OTOGL: variants seen among roughly 807,000 people sequenced by gnomAD.
The protein encoded by OTOGL is otogelin like.
OTOGL carries 285 observed loss-of-function variants against 318.5 expected under a neutral mutation model. The observed-to-expected ratio is 0.89, with a 90% CI of 0.81 to 0.99. The LOEUF (loss-of-function observed/expected upper bound fraction) is 0.99, where lower values mean the gene tolerates loss of function less well. OTOGL is among the 50% of genes least tolerant of loss of function. The pLI, the probability that OTOGL is intolerant of heterozygous loss-of-function variation, is 0.00. For missense variants in OTOGL, 2,899 were observed against 2,845.6 expected, an observed-to-expected ratio of 1.02 and a Z score of -0.43; for synonymous variants, 987 against 936.5, an observed-to-expected ratio of 1.05 and a Z score of -0.99.
At chr12:80,337,090 G>A (rs985053606) in intron 42 of OTOGL, 86 bp downstream of exon 42, 5 of 981,996 alleles carry the variant, frequency 5.1e-6, no homozygotes, top group East Asian at 2.6e-5. Flanking sequence ...GGAAAATTAA[G>A]CATATCAATG....
Position 80,236,827 on chromosome 12 carries a change from TTG to T in OTOGL, c.818-2022_818-2021del, listed in dbSNP as rs1429436161. Among the ~76,000 whole-genome samples the T allele has an allele frequency of 2.0e-4, 29 of 148,154 alleles. 3 individuals are homozygous for T. The highest frequency in any genetic ancestry group is 2.2e-4 in the Non-Finnish European group (15 of 66,686). The stretch of plus-strand genomic sequence containing the variant: ...TTTCTTTTTCTTTTCTTTTTTTTTT[TTG>T]TTTGAGACAGGGTCTTTCTCTGTCG... On this transcript the variant is annotated intron_variant, in intron 9 of 58. Coordinates refer to ENST00000547103, the MANE Select transcript of OTOGL (RefSeq NM_001378609.3).
At chr12:80,249,343 G>T (rs923002752) in intron 11 of OTOGL, among the ~76,000 whole-genome samples, 1 of 151,508 alleles carries the variant, frequency 6.6e-6, no homozygotes, top group South Asian at 2.1e-4. Flanking sequence ...ATGGGTTTTC[G>T]GTGTGGATGT....
chr12:80,237,510 T>C lies in OTOGL; in HGVS notation c.818-1341T>C, dbSNP rs570581317. Among the ~76,000 whole-genome samples, 74 of 151,690 alleles carry C rather than the reference T, an allele frequency of 4.9e-4. 1 individual carries two copies. Among genetic ancestry groups the C allele is most frequent in the African/African-American group, 1.7e-3 (72 of 41,376 alleles). On this transcript the variant is annotated intron_variant, in intron 9 of 58. Transcript: ENST00000547103. ...GAGAAGATTTTAGGAAAGAGTGGTT[T>C]TGAAGGAGGAAGAACAAGAGCAAGT...
rs929517418 is a variant in OTOGL, at chr12:80,380,109, T to C, written c.*2061T>C. 3.9e-5 allele frequency: 6 copies of C among 151,978 alleles called. No individual in the cohort carries two copies. The highest frequency in any genetic ancestry group is 7.4e-5 in the Non-Finnish European group (5 of 67,910). 9.4% of individuals were successfully genotyped at this position (151,978 alleles called of 1,614,324 possible). A position where few individuals can be genotyped will look rare whatever the true frequency, so the allele number is the denominator to read the frequency against. On this transcript the variant is annotated 3_prime_UTR_variant, in exon 59 of 59. Transcript: ENST00000547103. ...ATAAAGAAAAATTTGAATTCATACA[T>C]CCATTGACATTAGGATAACCTCCAA...
chr12:80,156,129 C>A (rs1004353213), intron 1 of OTOGL, among the ~76,000 whole-genome samples: 1 of 152,172 alleles, frequency 6.6e-6, no homozygotes, highest in Non-Finnish European at 1.5e-5. Context: ...CCGTGGACTG[C>A]GAAAGGCAGA....
chr12:80,103,431 C>A, intron 1 of OTOGL: 1 of 634,218 alleles, frequency 1.6e-6, no homozygotes, highest in Non-Finnish European at 2.8e-6. Flanking sequence ...TGTCCCTATG[C>A]CAGAATGTTG....
chr12:80,343,033 G>A (rs1888881658), intron 44 of OTOGL, among the ~76,000 whole-genome samples: 2 of 152,030 alleles, frequency 1.3e-5, no homozygotes, highest in East Asian at 1.9e-4. Context: ...AGGTGCCGGC[G>A]ACCACGCCCA....
intron 27 of OTOGL, 35 bp from the exon 28 acceptor site, chr12:80,302,599 T>A (rs1410498550): frequency 6.4e-6 from 8 of 1,247,336 alleles, no homozygotes; most frequent in Non-Finnish European, 8.2e-6. Context: ...GAGAACTTAC[T>A]ACTCACTTTG....
chr12:80,353,444 G>T lies in OTOGL; in HGVS notation c.5527G>T (p.Val1843Leu). Residue 1843 changes from valine (V) to leucine (L), a missense_variant, in exon 46 of 59, where the codon GTG becomes TTG. Transcript: ENST00000547103. Reference sequence around the variant, plus strand: ...CTGTTTGAATCTAAGAGAAGACTGTGTGTGCAAAGTTGGAACTATTCTTCA... The same window carrying T: ...CTGTTTGAATCTAAGAGAAGACTGTTTGTGCAAAGTTGGAACTATTCTTCA... ...TSCLNLREDC[V>L]CKVGTILHRP... 1 of 1,604,278 alleles carries T rather than the reference G, an allele frequency of 6.2e-7. No individual in the cohort carries two copies. Among genetic ancestry groups the T allele is most frequent in the Non-Finnish European group, 8.5e-7 (1 of 1,174,952 alleles).
At chr12:80,362,300 A>G (rs1592758158) in intron 52 of OTOGL, among the ~76,000 whole-genome samples, 1 of 152,166 alleles carries the variant, frequency 6.6e-6, no homozygotes, top group East Asian at 1.9e-4. Context: ...TAATTCATGG[A>G]TTGATTTCTG....
chr12:80,106,716 A>T (rs1869476910), intron 1 of OTOGL, among the ~76,000 whole-genome samples: 1 of 152,152 alleles, frequency 6.6e-6, no homozygotes, highest in Non-Finnish European at 1.5e-5. Context: ...CATCTTTTAT[A>T]ACTGCTTCAG....
intron 30 of OTOGL, among the ~76,000 whole-genome samples, chr12:80,311,926 A>G (rs1041934503): frequency 6.6e-6 from 1 of 152,196 alleles, no homozygotes; most frequent in South Asian, 2.1e-4. Context: ...TATATAATCA[A>G]GTGTGTCAAC....
chr12:80,370,844 T>A, intron 56 of OTOGL, 155 bp downstream of exon 56: 1 of 549,102 alleles, frequency 1.8e-6, no homozygotes, highest in Non-Finnish European at 2.8e-6. Context: ...ATTTTTCCCA[T>A]TTGAAATTTT....
chr12:80,213,915 G>A (rs1021679529), intron 4 of OTOGL, among the ~76,000 whole-genome samples: 2 of 152,194 alleles, frequency 1.3e-5, no homozygotes, highest in African/African-American at 4.8e-5. Context: ...GAGCACCAAT[G>A]GGTAGATAAG....
chr12:80,151,073 T>C (rs1872753889), intron 1 of OTOGL, among the ~76,000 whole-genome samples: 1 of 152,198 alleles, frequency 6.6e-6, no homozygotes, highest in Admixed American at 6.5e-5. Context: ...GTCTAAAATG[T>C]CAGCTTATGG....
intron 19 of OTOGL, among the ~76,000 whole-genome samples, chr12:80,263,248 A>G (rs929020119): frequency 1.3e-5 from 2 of 152,006 alleles, no homozygotes; most frequent in African/African-American, 4.8e-5. Flanking sequence ...TCTGTCCCCA[A>G]CTTTCAACTA....
chr12:80,142,268 C>T (rs1314517221), intron 1 of OTOGL, among the ~76,000 whole-genome samples: 10 of 152,004 alleles, frequency 6.6e-5, no homozygotes, highest in Admixed American at 2.0e-4. Flanking sequence ...CAGCACATCC[C>T]AATTTGGATT....
At chr12:80,124,581 A>G (rs953923605) in intron 1 of OTOGL, among the ~76,000 whole-genome samples, 1 of 152,166 alleles carries the variant, frequency 6.6e-6, no homozygotes, top group Non-Finnish European at 1.5e-5. Flanking sequence ...GAAGAAAGGC[A>G]TTGGTAGCTT....
chr12:80,194,325 C>T (rs11114351), intron 1 of OTOGL, among the ~76,000 whole-genome samples: 48,271 of 151,952 alleles, frequency 0.32, 7,887 homozygotes, highest in Middle Eastern at 0.41. Context: ...CCCAATAATT[C>T]CCCTTTTTGC....
Sources: allele counts gnomAD v4.1 joint callset (sites outside exome capture counted in the v4.1 genomes callset), GRCh38; gene constraint gnomAD v4.1.1; transcripts MANE v1.5; gene names NCBI Gene and HGNC (gene_info 2026-07-23, HGNC 2026-07-21).